Variants in TRPA1 observed in about 807,000 individuals in gnomAD.
TRPA1 encodes the protein transient receptor potential cation channel subfamily A member 1.
TRPA1 carries 129 observed loss-of-function variants against 131.3 expected under a neutral mutation model. The ratio of observed to expected loss-of-function variants is 0.98; its 90% CI spans 0.85 to 1.14. The LOEUF is 1.14. TRPA1 is among the 50% of genes most tolerant of loss of function. The pLI is 0.00. For missense variants in TRPA1, 1,304 were observed against 1,354.2 expected (o/e 0.96, Z 0.58); for synonymous variants, 441 against 451.7 (o/e 0.98, Z 0.30).
At chr8:72,058,694 G>A (rs547915167) in intron 8 of TRPA1, among the ~76,000 whole-genome samples, 1 of 152,012 alleles carries the variant, frequency 6.6e-6, no homozygotes, top group Non-Finnish European at 1.5e-5. Context: ...ATAGTTTATG[G>A]CATATAATGA....
intron 7 of TRPA1, among the ~76,000 whole-genome samples, 171 bp from the exon 8 acceptor site, chr8:72,059,609 G>A (rs1805759048): frequency 6.6e-6 from 1 of 152,118 alleles, no homozygotes; most frequent in South Asian, 2.1e-4. Flanking sequence ...TCTGATTAGG[G>A]TAGCATTTTC....
At chr8:72,068,612 A>C (rs1805984774) in intron 3 of TRPA1, among the ~76,000 whole-genome samples, 1 of 152,224 alleles carries the variant, frequency 6.6e-6, no homozygotes, top group Admixed American at 6.5e-5. Flanking sequence ...GATAAAGCCT[A>C]AATCTGAAAA....
intron 13 of TRPA1, chr8:72,053,471 C>G (rs1805579761): frequency 8.8e-6 from 4 of 455,264 alleles, no homozygotes; most frequent in Non-Finnish European, 1.6e-5. Flanking sequence ...TTCTCTGGAC[C>G]TACCAGGGAG....
chr8:72,061,579 A>T, intron 7 of TRPA1, 46 bp downstream of exon 7: 1 of 1,611,772 alleles, frequency 6.2e-7, no homozygotes, highest in Non-Finnish European at 8.5e-7. Flanking sequence ...AATTTCACTC[A>T]TGAAGATGAA....
At position 72,039,776 on chromosome 8, in the gene TRPA1, T is replaced by C; in HGVS notation, c.2083A>G (p.Ile695Val). 6.2e-7 allele frequency: 1 copy of C among 1,609,968 alleles called. No homozygotes were observed. Among genetic ancestry groups the C allele is most frequent in the Non-Finnish European group, 8.5e-7 (1 of 1,176,874 alleles). Reference protein sequence around the residue: ...ALNAMVQNNRIELLNHPVCKE... With the variant: ...ALNAMVQNNRVELLNHPVCKE... ...CACACAGGATGATTGAGAAGCTCTA[T>C]GCGGTTATTTTGTACCATTGCCTGA... is the stretch of plus-strand genomic sequence containing the variant. Residue 695 changes from isoleucine to valine, a missense_variant, in exon 18 of 27, where the codon ATA (isoleucine) becomes GTA (valine). By Grantham distance (29) the Ile-to-Val change is conservative. Coordinates refer to ENST00000262209, the MANE Select transcript of TRPA1 (RefSeq NM_007332.3).
chr8:72,029,922 T>C lies in TRPA1; in HGVS notation c.2916A>G (p.Ser972=), dbSNP rs201733351. ...GDIAEVQKHA[S]LKRIAMQVEL... is the part of the protein sequence containing the mutation. ...TTACCTGCATAGCTATCCTCTTCAA[T>C]GATGCATGTTTCTGGACCTCAGCAA... The change falls in exon 24 of 27, where the codon TCA becomes TCG. Residue 972 remains serine (S), a synonymous_variant. Coordinates refer to ENST00000262209, the MANE Select transcript of TRPA1 (RefSeq NM_007332.3). The C allele has an allele frequency of 7.6e-5, 122 of 1,613,950 alleles. 1 individual carries two copies. The African/African-American group carries it at 1.5e-3, about 20-fold the overall frequency.
chr8:72,056,822 T>C (rs1182291882), intron 10 of TRPA1, 95 bp downstream of exon 10: 60 of 851,110 alleles, frequency 7.0e-5, no homozygotes, highest in Non-Finnish European at 1.0e-4. Context: ...AATTCCAGAA[T>C]CAGTTTATAT....
chr8:72,032,224 T>C (rs1811851575), intron 23 of TRPA1, among the ~76,000 whole-genome samples: 1 of 152,200 alleles, frequency 6.6e-6, no homozygotes, highest in African/African-American at 2.4e-5. Flanking sequence ...ATGGAAAATA[T>C]TTTTAAAAGC....
At chr8:72,044,996 A>AT (rs945706539) in intron 17 of TRPA1, among the ~76,000 whole-genome samples, 13 of 151,960 alleles carry the variant, frequency 8.6e-5, no homozygotes, top group African/African-American at 2.7e-4. Context: ...AAATAGATAC[A>AT]TTTTTTTCTG....
intron 10 of TRPA1, chr8:72,056,088 T>A (rs893128763): frequency 3.0e-5 from 17 of 564,184 alleles, no homozygotes; most frequent in Non-Finnish European, 4.7e-5. Context: ...TATTAAAGGA[T>A]CTGAGAGATC....
intron 17 of TRPA1, among the ~76,000 whole-genome samples, chr8:72,040,919 A>G (rs767260525): frequency 1.3e-5 from 2 of 152,126 alleles, no homozygotes; most frequent in Non-Finnish European, 2.9e-5. Context: ...CTATTAAAAT[A>G]CAACGGTTGA....
At chr8:72,039,858 A>C (rs1240588007) in intron 17 of TRPA1, 61 bp from the exon 18 acceptor site, 3 of 1,069,588 alleles carry the variant, frequency 2.8e-6, no homozygotes, top group Admixed American at 1.7e-5. Context: ...AGTATAAACT[A>C]ATCTATTTAT....
intron 23 of TRPA1, 114 bp downstream of exon 23, chr8:72,033,530 G>A: frequency 9.7e-7 from 1 of 1,029,406 alleles, no homozygotes; most frequent in East Asian, 2.7e-5. Flanking sequence ...AGATTTTGTA[G>A]TAGATCCTTC....
chr8:72,050,729 A>G, intron 15 of TRPA1, 49 bp downstream of exon 15: 1 of 1,211,908 alleles, frequency 8.3e-7, no homozygotes, highest in Non-Finnish European at 1.2e-6. Context: ...GATTACAACA[A>G]CATATGTCAA....
chr8:72,041,369 G>A (rs1812245564), intron 17 of TRPA1: 1 of 151,928 alleles, frequency 6.6e-6, no homozygotes, highest in Non-Finnish European at 1.5e-5. Context: ...TTACCTAACA[G>A]ACATACACAG....
At chr8:72,082,480 G>A in the TRPA1 span, among the ~76,000 whole-genome samples, 3 of 152,074 alleles carry the variant, frequency 2.0e-5, no homozygotes, top group Admixed American at 1.3e-4. Context: ...ATAGATTTGA[G>A]TTACTGTCTG....
At position 72,065,439 on chromosome 8, in the gene TRPA1, A is replaced by C. The variant is rs1381926427; in HGVS notation, c.552+12T>G. ...GATAAAGAAAGCAGACAGATATGAC[A>C]AATATACAAACCAAAATCTGCAATG... On this transcript the variant is annotated intron_variant, in intron 4 of 26. Transcript: ENST00000262209. 2 of 1,601,016 alleles carry C rather than the reference A, an allele frequency of 1.2e-6. No homozygotes were observed. Among genetic ancestry groups the C allele is most frequent in the African/African-American group, 1.3e-5 (1 of 74,676 alleles).
chr8:72,088,756 A>G, the TRPA1 span, among the ~76,000 whole-genome samples: 1 of 152,188 alleles, frequency 6.6e-6, no homozygotes, highest in Admixed American at 6.5e-5. Context: ...GCTGTTTTCT[A>G]CTGGTAATCA....
At position 72,025,114 on chromosome 8, in the gene TRPA1, G is replaced by A. The variant is rs893783284; in HGVS notation, c.3051+846C>T. On this transcript the variant is annotated intron_variant, in intron 25 of 26. Transcript: ENST00000262209. ...GCTGTGTGTGTGTGTTCGTGTGTGTGTGTGTGTGTGTGTGTGTGTGTGCGT... is the reference window on the plus strand; with the variant it reads ...GCTGTGTGTGTGTGTTCGTGTGTGTATGTGTGTGTGTGTGTGTGTGTGCGT... Among the ~76,000 whole-genome samples, 1,241 of 145,088 alleles carry A rather than the reference G, an allele frequency of 8.6e-3. 19 individuals are homozygous for A. Among genetic ancestry groups the A allele is most frequent in the African/African-American group, 0.029 (1,178 of 40,522 alleles).
Sources: gnomAD v4.1 joint callset for allele counts (sites outside exome capture counted in the v4.1 genomes callset) on GRCh38, gnomAD v4.1.1 for gene constraint, MANE v1.5 for transcripts, NCBI Gene and HGNC (gene_info 2026-07-23, HGNC 2026-07-21) for gene names.